The following GALNT1 variants were observed in gnomAD, a reference collection of about 807,000 sequenced individuals.
The protein encoded by GALNT1 is GalNAc transferase 1.
A neutral mutation model predicts 65.7 loss-of-function variants in GALNT1; 17 were observed. That is an observed-to-expected ratio of 0.26 (90% confidence interval 0.18 to 0.39). GALNT1 has a LOEUF of 0.39. Ranked by LOEUF, GALNT1 falls within the 10% of genes least tolerant of loss-of-function variation. The probability of loss-of-function intolerance (pLI) is 1.00; values close to 1 mark genes in which losing one functional copy is unlikely to be tolerated. For synonymous variants in GALNT1, 210 were observed against 219.7 expected (o/e 0.96, Z 0.39); for missense variants, 460 against 672.8 (o/e 0.68, Z 3.50).
chr18:35,618,561 T>C (rs1479824443), intron 1 of GALNT1, among the ~76,000 whole-genome samples: 1 of 152,218 alleles, frequency 6.6e-6, no homozygotes, highest in Non-Finnish European at 1.5e-5. Context: ...TTAGAGGTTT[T>C]AGTAGAATAG....
intron 4 of GALNT1, 33 bp from the exon 5 acceptor site, chr18:35,683,358 T>C: frequency 6.4e-7 from 1 of 1,558,262 alleles, no homozygotes; most frequent in South Asian, 1.1e-5. Flanking sequence ...CAGGCCACAC[T>C]GGTTTGCATG....
intron 1 of GALNT1, among the ~76,000 whole-genome samples, chr18:35,632,296 A>G (rs1414139288): frequency 6.6e-6 from 1 of 152,208 alleles, no homozygotes; most frequent in Non-Finnish European, 1.5e-5. Context: ...CTGACTTCAA[A>G]CTATACTACA....
intron 11 of GALNT1, among the ~76,000 whole-genome samples, 178 bp downstream of exon 11, chr18:35,703,821 A>G (rs1319894248): frequency 1.3e-5 from 2 of 152,316 alleles, no homozygotes; most frequent in South Asian, 2.1e-4. Context: ...AATCTCCCTA[A>G]TAATTAAATT....
rs187484808 is a variant in GALNT1, at chr18:35,660,551, T to A, written c.140-3077T>A. ...CATGTAGAATTTTATGCAAAGATAT[T>A]TTCTTTAGTTCATGAAATGACATCC... On this transcript the variant is annotated intron_variant, in intron 2 of 11. Transcript: ENST00000269195. Among the ~76,000 whole-genome samples the A allele has an allele frequency of 1.9e-4, 29 of 152,302 alleles. No individual in the cohort carries two copies. In the East Asian group the frequency reaches 5.0e-3, roughly 26 times the overall value.
intron 1 of GALNT1, among the ~76,000 whole-genome samples, chr18:35,642,584 C>T (rs950277087): frequency 1.5e-4 from 23 of 152,134 alleles, no homozygotes; most frequent in Non-Finnish European, 1.3e-4. Flanking sequence ...CATTTATTTC[C>T]GTGACATGTT....
chr18:35,654,874 T>C, intron 2 of GALNT1, 73 bp downstream of exon 2: 2 of 1,251,868 alleles, frequency 1.6e-6, no homozygotes, highest in Non-Finnish European at 2.1e-6. Flanking sequence ...TTGGATAATA[T>C]AAAATTTTAA....
chr18:35,619,311 T>C (rs1031869329), intron 1 of GALNT1, among the ~76,000 whole-genome samples: 1 of 152,220 alleles, frequency 6.6e-6, no homozygotes, highest in Non-Finnish European at 1.5e-5. Flanking sequence ...CTGAAAACTT[T>C]TTAGATCTCA....
chr18:35,657,812 T>C (rs530362901), intron 2 of GALNT1, among the ~76,000 whole-genome samples: 2 of 152,318 alleles, frequency 1.3e-5, no homozygotes, highest in South Asian at 2.1e-4. Context: ...GGCTGTTCTT[T>C]AGGAAGCTTC....
intron 9 of GALNT1, among the ~76,000 whole-genome samples, chr18:35,698,854 G>T (rs1037100127): frequency 7.2e-5 from 11 of 152,034 alleles, no homozygotes; most frequent in African/African-American, 2.7e-4. Context: ...ATGGTGGCAG[G>T]CGCCTGTAAT....
chr18:35,634,892 G>A (rs1171868377), intron 1 of GALNT1, among the ~76,000 whole-genome samples: 1 of 152,150 alleles, frequency 6.6e-6, no homozygotes, highest in Non-Finnish European at 1.5e-5. Flanking sequence ...AGCAATCTTA[G>A]GCCTGTTAAC....
rs1006000408 is a variant in GALNT1, at chr18:35,585,155, C to T, written c.-104+3293C>T. Among the ~76,000 whole-genome samples the T allele has an allele frequency of 1.3e-4, 20 of 152,108 alleles. No individual in the cohort carries two copies. The South Asian group carries it at 1.9e-3, about 14-fold the overall frequency. On this transcript the variant is annotated intron_variant, in intron 1 of 11. Coordinates refer to ENST00000269195, the MANE Select transcript of GALNT1 (RefSeq NM_020474.4). ...GGTATGTAACATTTAAACTCCTGCA[C>T]CTGACTTTTGGGGACCCTTCAGAGT...
At chr18:35,692,672 T>A (rs1598808370) in intron 9 of GALNT1, among the ~76,000 whole-genome samples, 1 of 152,250 alleles carries the variant, frequency 6.6e-6, no homozygotes, top group South Asian at 2.1e-4. Context: ...AAAAAAGACT[T>A]CTTTGCAGGT....
chr18:35,663,614 CT>C lies in GALNT1; in HGVS notation c.140-12del. The C allele has an allele frequency of 6.3e-7, 1 of 1,587,866 alleles. No homozygotes were observed. The highest frequency in any genetic ancestry group is 8.5e-7 in the Non-Finnish European group (1 of 1,172,036). ...TATGAAATTAATGTTAGTTAAGTTT[CT>C]TCCTATTCTTAGTTCTAGAGCCAGT... On this transcript the variant is annotated splice_polypyrimidine_tract_variant and intron_variant, in intron 2 of 11. Coordinates refer to ENST00000269195, the MANE Select transcript of GALNT1 (RefSeq NM_020474.4).
At chr18:35,644,158 G>A (rs1269642678) in intron 1 of GALNT1, among the ~76,000 whole-genome samples, 2 of 152,050 alleles carry the variant, frequency 1.3e-5, no homozygotes, top group African/African-American at 4.8e-5. Flanking sequence ...GATAACACCC[G>A]GGAAATAACT....
intron 1 of GALNT1, among the ~76,000 whole-genome samples, chr18:35,600,187 T>C (rs1034833059): frequency 1.3e-5 from 2 of 152,230 alleles, no homozygotes; most frequent in African/African-American, 4.8e-5. Flanking sequence ...ATGTCCTCTT[T>C]AATTTCTTTC....
intron 1 of GALNT1, among the ~76,000 whole-genome samples, chr18:35,628,053 G>A (rs1331096136): frequency 1.3e-5 from 2 of 152,216 alleles, no homozygotes; most frequent in Non-Finnish European, 2.9e-5. Context: ...GCTTGAGTAG[G>A]TAAACAAAGT....
chr18:35,634,503 G>C (rs774202455), intron 1 of GALNT1, among the ~76,000 whole-genome samples: 2 of 152,192 alleles, frequency 1.3e-5, no homozygotes, highest in Non-Finnish European at 2.9e-5. Context: ...GTGAAGTTCA[G>C]AGGCAAACAG....
intron 3 of GALNT1, among the ~76,000 whole-genome samples, chr18:35,668,412 G>C (rs1265542354): frequency 6.6e-6 from 1 of 152,090 alleles, no homozygotes; most frequent in African/African-American, 2.4e-5. Flanking sequence ...CGAGTATAGA[G>C]GCTCAACAAA....
intron 1 of GALNT1, among the ~76,000 whole-genome samples, chr18:35,611,702 C>T (rs1006721057): frequency 6.6e-6 from 1 of 152,178 alleles, no homozygotes; most frequent in Non-Finnish European, 1.5e-5. Context: ...GAGGGAATGG[C>T]AGCTGGCCAG....
Sources: allele counts gnomAD v4.1 joint callset (sites outside exome capture counted in the v4.1 genomes callset), GRCh38; gene constraint gnomAD v4.1.1; transcripts MANE v1.5; gene names NCBI Gene and HGNC (gene_info 2026-07-23, HGNC 2026-07-21).